Variants in KHDRBS2 observed in about 807,000 individuals in gnomAD.
KHDRBS2 encodes KH RNA binding domain containing, signal transduction associated 2.
A neutral mutation model predicts 44.3 loss-of-function variants in KHDRBS2; 26 were observed. The observed-to-expected ratio is 0.59, with a 90% CI of 0.43 to 0.81. The LOEUF (loss-of-function observed/expected upper bound fraction) is 0.81, where lower values mean the gene tolerates loss of function less well. Ranked by LOEUF, KHDRBS2 falls within the 40% of genes least tolerant of loss-of-function variation. KHDRBS2 has a pLI of 0.00. For missense variants in KHDRBS2, 476 were observed against 433.1 expected (o/e 1.10, Z -0.88); for synonymous variants, 194 against 151.1 (o/e 1.28, Z -2.08).
chr6:61,713,012 A>G (rs1282839710), intron 7 of KHDRBS2, among the ~76,000 whole-genome samples: 2 of 151,640 alleles, frequency 1.3e-5, no homozygotes, highest in East Asian at 3.9e-4. Context: ...ATAAAAAGCT[A>G]TTTATAATGA....
the KHDRBS2 span, among the ~76,000 whole-genome samples, chr6:61,625,123 C>G: frequency 2.0e-5 from 3 of 151,752 alleles, no homozygotes; most frequent in Non-Finnish European, 4.4e-5. Flanking sequence ...TTCTCTTGTT[C>G]AATTTTAATG....
At chr6:62,023,868 TA>T (rs1190347435) in intron 3 of KHDRBS2, among the ~76,000 whole-genome samples, 1 of 150,974 alleles carries the variant, frequency 6.6e-6, no homozygotes, top group African/African-American at 2.4e-5. Context: ...TAAATATTGC[TA>T]AAAAAACAAA....
At chr6:62,198,029 TTGAA>T (rs1198697868) in intron 1 of KHDRBS2, among the ~76,000 whole-genome samples, 1 of 152,044 alleles carries the variant, frequency 6.6e-6, no homozygotes, top group Non-Finnish European at 1.5e-5. Flanking sequence ...AAGACGTTCT[TTGAA>T]ACCAATGAGA....
Position 61,788,525 on chromosome 6 carries a change from T to C in KHDRBS2, c.811-55761A>G, listed in dbSNP as rs182348844. Among the ~76,000 whole-genome samples the C allele has an allele frequency of 4.3e-3, 648 of 151,588 alleles. 4 individuals are homozygous for C. Among genetic ancestry groups the C allele is most frequent in the Non-Finnish European group, 5.8e-3 (389 of 67,500 alleles). On this transcript the variant is annotated intron_variant, in intron 6 of 8. Coordinates refer to ENST00000281156, the MANE Select transcript of KHDRBS2 (RefSeq NM_152688.4). ...TGAGATATTTATGTAGTATCTCACA[T>C]ATTCCTATTTGGTTTTTGAAAAAGA...
chr6:61,736,591 A>G (rs1452165340), intron 6 of KHDRBS2, among the ~76,000 whole-genome samples: 3 of 151,942 alleles, frequency 2.0e-5, no homozygotes, highest in Non-Finnish European at 4.4e-5. Context: ...GGCAGTTTTA[A>G]TTTGTTTGTT....
downstream of KHDRBS2, among the ~76,000 whole-genome samples, chr6:61,678,654 A>C (rs527723231): frequency 6.6e-6 from 1 of 151,972 alleles, no homozygotes; most frequent in Non-Finnish European, 1.5e-5. Context: ...TTCACAATTC[A>C]CTTGACAAGC....
intron 6 of KHDRBS2, among the ~76,000 whole-genome samples, chr6:61,890,657 C>T (rs1258611564): frequency 1.3e-5 from 2 of 152,198 alleles, no homozygotes. Flanking sequence ...TTGAGCTACA[C>T]AGTTCCCCAA....
chr6:61,669,938 G>A, the KHDRBS2 span, among the ~76,000 whole-genome samples: 3 of 150,730 alleles, frequency 2.0e-5, no homozygotes, highest in African/African-American at 4.9e-5. Context: ...TCTGAAAATT[G>A]AAATTGCATA....
At chr6:61,621,183 G>T in the KHDRBS2 span, among the ~76,000 whole-genome samples, 2 of 152,174 alleles carry the variant, frequency 1.3e-5, no homozygotes, top group South Asian at 2.1e-4. Context: ...GAAGATGGAG[G>T]CCTAATTGCT....
At chr6:61,804,522 C>T (rs928873565) in intron 6 of KHDRBS2, among the ~76,000 whole-genome samples, 1 of 152,200 alleles carries the variant, frequency 6.6e-6, no homozygotes, top group African/African-American at 2.4e-5. Context: ...GCCCCAACCC[C>T]ACCTCTCCCT....
chr6:61,567,504 G>T, the KHDRBS2 span, among the ~76,000 whole-genome samples: 1 of 152,156 alleles, frequency 6.6e-6, no homozygotes, highest in Admixed American at 6.5e-5. Context: ...AGCCAGGCAT[G>T]GTGGTGTGCA....
At position 62,033,638 on chromosome 6, in the gene KHDRBS2, T is replaced by G. The variant is rs192992664; in HGVS notation, c.336+14240A>C. ...TATATATATCCAGATATATATATAT[T>G]TGGACATTTATATATGCAATATATA... On this transcript the variant is annotated intron_variant, in intron 3 of 8. Coordinates refer to ENST00000281156, the MANE Select transcript of KHDRBS2 (RefSeq NM_152688.4). Among the ~76,000 whole-genome samples the G allele has an allele frequency of 2.6e-5, 4 of 151,204 alleles. No homozygotes were observed. The East Asian group carries it at 7.8e-4, about 30-fold the overall frequency.
At chr6:61,909,728 C>T (rs1162269186) in intron 4 of KHDRBS2, among the ~76,000 whole-genome samples, 3 of 152,180 alleles carry the variant, frequency 2.0e-5, no homozygotes, top group Non-Finnish European at 4.4e-5. Flanking sequence ...TCCCCAGTTA[C>T]GTACACTCAT....
At chr6:62,198,832 T>A (rs975880295) in intron 1 of KHDRBS2, among the ~76,000 whole-genome samples, 5 of 151,826 alleles carry the variant, frequency 3.3e-5, no homozygotes, top group African/African-American at 9.7e-5. Context: ...GATGCAAAAA[T>A]CCTCAATAAA....
chr6:62,244,813 A>C (rs1289715916), intron 1 of KHDRBS2, among the ~76,000 whole-genome samples: 1 of 152,122 alleles, frequency 6.6e-6, no homozygotes, highest in Non-Finnish European at 1.5e-5. Flanking sequence ...AGCAGTTTAC[A>C]TTTGGCCGGC....
intron 3 of KHDRBS2, among the ~76,000 whole-genome samples, chr6:62,007,840 G>A (rs2343665): frequency 0.013 from 1,958 of 152,180 alleles, 37 homozygotes; most frequent in African/African-American, 0.043. Context: ...TTATAAAGGC[G>A]TATTTGATGC....
At chr6:61,954,773 C>T (rs1455621412) in intron 4 of KHDRBS2, among the ~76,000 whole-genome samples, 8 of 69,248 alleles carry the variant, frequency 1.2e-4, no homozygotes, top group African/African-American at 2.4e-4. Context: ...TGTATACATA[C>T]ATATGTGTAT....
chr6:61,617,200 T>C, the KHDRBS2 span, among the ~76,000 whole-genome samples: 1 of 152,320 alleles, frequency 6.6e-6, no homozygotes, highest in Middle Eastern at 3.4e-3. Flanking sequence ...TTAGAAGCAT[T>C]AAACTAGTTC....
At chr6:62,150,994 C>G (rs1461469736) in intron 2 of KHDRBS2, among the ~76,000 whole-genome samples, 1 of 151,996 alleles carries the variant, frequency 6.6e-6, no homozygotes, top group Admixed American at 6.6e-5. Context: ...TGTAAGATTT[C>G]CCCCCTTCTC....
Sources: gnomAD v4.1 joint callset for allele counts (sites outside exome capture counted in the v4.1 genomes callset) on GRCh38, gnomAD v4.1.1 for gene constraint, MANE v1.5 for transcripts, NCBI Gene and HGNC (gene_info 2026-07-23, HGNC 2026-07-21) for gene names.